Variants in BIRC6 observed in about 807,000 individuals in gnomAD.
The protein encoded by BIRC6 is baculoviral IAP repeat containing 6.
BIRC6 carries 98 observed loss-of-function variants against 503.3 expected under a neutral mutation model. The ratio of observed to expected loss-of-function variants is 0.19; its 90% CI spans 0.17 to 0.23. BIRC6 has a LOEUF of 0.23. Among genes scored for constraint, BIRC6 ranks in the 10% least tolerant of loss-of-function variants. The probability of loss-of-function intolerance (pLI) is 1.00; values close to 1 mark genes in which losing one functional copy is unlikely to be tolerated. For missense variants in BIRC6, 5,360 were observed against 5,806.0 expected, an observed-to-expected ratio of 0.92 and a Z score of 2.50; for synonymous variants, 2,240 against 2,078.7, an observed-to-expected ratio of 1.08 and a Z score of -2.11.
At chr2:32,375,069 G>A (rs917990876) in intron 1 of BIRC6, among the ~76,000 whole-genome samples, 13 of 152,102 alleles carry the variant, frequency 8.5e-5, no homozygotes, top group African/African-American at 2.9e-4. Context: ...CACCTTTTGT[G>A]TATATGTATG....
rs1349381573 is a variant in BIRC6, at chr2:32,482,437, C to G, written c.7551C>G (p.Ser2517Arg). 6.2e-7 allele frequency: 1 copy of G among 1,612,634 alleles called. No homozygotes were observed. Residue 2517 changes from serine to arginine, a missense_variant, in exon 39 of 74, where the codon AGC (serine) becomes AGG (arginine). Transcript: ENST00000421745. Reference protein sequence around the residue: ...PLAAKVFKPISSTWYDYWGAD... With the variant: ...PLAAKVFKPIRSTWYDYWGAD... ...TTTTCCATTCTTTTAAGCCAATAAG[C>G]AGTACATGGTATGATTATTGGGGTG...
intron 8 of BIRC6, among the ~76,000 whole-genome samples, chr2:32,404,173 A>AC (rs1162485204): frequency 1.3e-5 from 2 of 150,822 alleles, no homozygotes; most frequent in African/African-American, 4.9e-5. Flanking sequence ...CAGATGATCC[A>AC]CCTGCCTTGG....
At chr2:32,584,836 A>G (rs2060922871) in intron 66 of BIRC6, among the ~76,000 whole-genome samples, 1 of 152,210 alleles carries the variant, frequency 6.6e-6, no homozygotes, top group Non-Finnish European at 1.5e-5. Context: ...CTTGCACTCT[A>G]GGTGAGATCC....
Position 32,518,304 on chromosome 2 carries a change from A to G in BIRC6, c.11400A>G (p.Thr3800=). 1 of 1,613,036 alleles carries G rather than the reference A, an allele frequency of 6.2e-7. No individual in the cohort carries two copies. Among genetic ancestry groups the G allele is most frequent in the Admixed American group, 1.7e-5 (1 of 59,870 alleles). ...CTCCTCAAAGAGGGAACCTTCCAAC[A>G]TCTGGGAACATTTCAGGGTTTATAC... ...QTSPQRGNLP[T]SGNISGFIRR... The change falls in exon 56 of 74, where the codon ACA becomes ACG. Residue 3800 remains threonine (T), a synonymous_variant. Coordinates refer to ENST00000421745, the MANE Select transcript of BIRC6 (RefSeq NM_016252.4).
At chr2:32,377,223 G>GTA (rs1415392334) in intron 1 of BIRC6, among the ~76,000 whole-genome samples, 1 of 148,520 alleles carries the variant, frequency 6.7e-6, no homozygotes, top group East Asian at 2.0e-4. Flanking sequence ...ATGTGTGTGT[G>GTA]TGTGTGTGTG....
chr2:32,519,432 T>C (rs1256729843), intron 57 of BIRC6, among the ~76,000 whole-genome samples: 1 of 152,220 alleles, frequency 6.6e-6, no homozygotes, highest in Non-Finnish European at 1.5e-5. Flanking sequence ...CTGTATTTTA[T>C]AGGATGATAC....
chr2:32,607,298 G>A (rs893101986), intron 71 of BIRC6, among the ~76,000 whole-genome samples, 157 bp from the exon 72 acceptor site: 6 of 151,890 alleles, frequency 4.0e-5, no homozygotes, highest in African/African-American at 1.5e-4. Flanking sequence ...CCTTTATAAT[G>A]AAATATTTCA....
At chr2:32,500,781 A>G (rs1224925525) in intron 46 of BIRC6, among the ~76,000 whole-genome samples, 2 of 151,144 alleles carry the variant, frequency 1.3e-5, no homozygotes, top group Admixed American at 6.6e-5. Flanking sequence ...GATTTTTTGT[A>G]TTTAGTAGAG....
rs186313127 is a variant in BIRC6, at chr2:32,549,251, C to G, written c.12976-62C>G. ...TTAGTATTCAGATTGAATTTCTAAC[C>G]TACAATAAAAACTTTTGAAGTATGT... On this transcript the variant is annotated intron_variant, in intron 64 of 73. Transcript: ENST00000421745. 433 of 1,226,380 alleles carry G rather than the reference C, an allele frequency of 3.5e-4. No homozygotes were observed. The African/African-American group carries it at 3.8e-3, about 11-fold the overall frequency. 76.0% of individuals were successfully genotyped at this position (1,226,380 alleles called of 1,614,324 possible). A position where few individuals can be genotyped will look rare whatever the true frequency, so the allele number is the denominator to read the frequency against.
chr2:32,561,355 C>T (rs1476914195), intron 65 of BIRC6, among the ~76,000 whole-genome samples: 1 of 151,868 alleles, frequency 6.6e-6, no homozygotes. Flanking sequence ...GATTCTCCTG[C>T]CTCAGCGACC....
chr2:32,481,284 C>A, intron 37 of BIRC6, 36 bp from the exon 38 acceptor site: 10 of 1,473,338 alleles, frequency 6.8e-6, no homozygotes, highest in Non-Finnish European at 9.1e-6. Context: ...TTATGTGATA[C>A]ACTCCACCAA....
chr2:32,593,900 AT>A lies in BIRC6; in HGVS notation c.13356-13del. ...TAATTTTCCTTGCTTTTCTTTCCAT[AT>A]TAAAAAAATTCAGATCTAAAAGGGA... is the stretch of plus-strand genomic sequence containing the variant. On this transcript the variant is annotated splice_polypyrimidine_tract_variant and intron_variant, in intron 66 of 73. Transcript: ENST00000421745. The A allele has an allele frequency of 6.2e-7, 1 of 1,602,640 alleles. No individual in the cohort carries two copies. Among genetic ancestry groups the A allele is most frequent in the Non-Finnish European group, 8.5e-7 (1 of 1,174,840 alleles).
In BIRC6 at chr2:32,617,986, T is replaced by C. The variant is rs1237550498; in HGVS notation, c.*82T>C. ...TCAATATTTGTATGTAAGAAACTAA[T>C]TATGTAATAGGTAATGAAACTGAAA... On this transcript the variant is annotated 3_prime_UTR_variant, in exon 74 of 74. Transcript: ENST00000421745. 3.2e-5 allele frequency: 43 copies of C among 1,326,532 alleles called. 1 individual carries two copies. The highest frequency in any genetic ancestry group is 4.3e-5 in the Non-Finnish European group (42 of 970,898). The allele number at this position is 1,326,532 out of a possible 1,614,324, so 82.2% of individuals were successfully genotyped here.
At chr2:32,602,747 T>C (rs1215714604) in intron 70 of BIRC6, 1 of 384,478 alleles carries the variant, frequency 2.6e-6, no homozygotes, top group Non-Finnish European at 4.6e-6. Context: ...AATTTAGTTT[T>C]CATTAAAATG....
chr2:32,460,272 A>ATTTTTTT lies in BIRC6; in HGVS notation c.4754-2903_4754-2897dup, dbSNP rs70938346. On this transcript the variant is annotated intron_variant, in intron 23 of 73. Transcript: ENST00000421745. ...TATATATATATATATATATATATATATTTTTTTTTTTTTTTTTTTTTTTTT... is the reference window on the plus strand; with the variant it reads ...TATATATATATATATATATATATATATTTTTTTTTTTTTTTTTTTTTTTTTTTTTTTT... Among the ~76,000 whole-genome samples the ATTTTTTT allele has an allele frequency of 1.9e-3, 36 of 18,822 alleles. 4 individuals are homozygous for ATTTTTTT. Among genetic ancestry groups the ATTTTTTT allele is most frequent in the Admixed American group, 2.7e-3 (2 of 754 alleles). The allele number at this position is 18,822 out of a possible 152,430, so 12.3% of individuals were successfully genotyped here.
chr2:32,603,161 G>C (rs2062182473), intron 71 of BIRC6, 78 bp downstream of exon 71: 1 of 1,041,424 alleles, frequency 9.6e-7, no homozygotes, highest in African/African-American at 1.6e-5. Context: ...TAGTGACCAA[G>C]AATAAATATA....
intron 26 of BIRC6, among the ~76,000 whole-genome samples, chr2:32,466,990 G>C (rs756149344): frequency 6.6e-6 from 1 of 152,040 alleles, no homozygotes; most frequent in Non-Finnish European, 1.5e-5. Flanking sequence ...ATGGCAGCGG[G>C]CGCCTGTAGT....
intron 73 of BIRC6, among the ~76,000 whole-genome samples, chr2:32,613,975 T>C (rs1336195178): frequency 1.3e-5 from 2 of 152,234 alleles, no homozygotes; most frequent in Non-Finnish European, 2.9e-5. Flanking sequence ...CTTCAAACTG[T>C]TGTCAGCTGT....
At chr2:32,371,550 A>G (rs1034574079) in intron 1 of BIRC6, among the ~76,000 whole-genome samples, 1 of 151,540 alleles carries the variant, frequency 6.6e-6, no homozygotes, top group Non-Finnish European at 1.5e-5. Flanking sequence ...AATTTTTTGT[A>G]TTTTAGTAGA....
Sources: gnomAD v4.1 joint callset for allele counts (sites outside exome capture counted in the v4.1 genomes callset) on GRCh38, gnomAD v4.1.1 for gene constraint, MANE v1.5 for transcripts, NCBI Gene and HGNC (gene_info 2026-07-23, HGNC 2026-07-21) for gene names.